Variants in OS9 observed in about 807,000 individuals in gnomAD.
The protein encoded by OS9 is protein OS-9.
OS9 carries 58 observed loss-of-function variants against 84.7 expected under a neutral mutation model. That is an observed-to-expected ratio of 0.68 (90% CI 0.55 to 0.85). OS9 has a LOEUF of 0.85. Ranked by LOEUF, OS9 falls within the 40% of genes least tolerant of loss-of-function variation. OS9 has a pLI of 0.00. For synonymous variants in OS9, 278 were observed against 320.8 expected (o/e 0.87, Z 1.43); for missense variants, 760 against 850.9 (o/e 0.89, Z 1.33).
At chr12:57,694,361 A>G in intron 1 of OS9, 38 bp downstream of exon 1, 2 of 1,608,772 alleles carry the variant, frequency 1.2e-6, no homozygotes, top group Non-Finnish European at 1.7e-6. Flanking sequence ...TGGGCAGAAG[A>G]GGAAGCGGGT....
At chr12:57,719,877 T>A in intron 12 of OS9, 1 of 483,120 alleles carries the variant, frequency 2.1e-6, no homozygotes, top group Admixed American at 3.7e-5. Context: ...GCAGAATTAT[T>A]GGGTAGGGCG....
intron 13 of OS9, 69 bp downstream of exon 13, chr12:57,720,332 G>A (rs1015594102): frequency 1.5e-5 from 24 of 1,606,572 alleles, no homozygotes; most frequent in Admixed American, 3.3e-5. Flanking sequence ...GAGGGGCTGG[G>A]ACCAGTGGGG....
Position 57,716,143 on chromosome 12 carries a change from C to G in OS9, c.842C>G (p.Pro281Arg). ...KIIEELQDLG[P>R]QVWSETKSGV... ...ATAGAGGAGCTGCAAGATCTAGGCC[C>G]CCAAGTGTGGAGTGAGACCAAGTCT... The change falls in exon 7 of 15, where the codon CCC (proline) becomes CGC (arginine). Residue 281 changes from proline to arginine, a missense_variant. By Grantham distance (103) the Pro-to-Arg change is moderately radical (BLOSUM62 -2). Transcript: ENST00000315970. 6.2e-7 allele frequency: 1 copy of G among 1,613,256 alleles called. No homozygotes were observed. Among genetic ancestry groups the G allele is most frequent in the Non-Finnish European group, 8.5e-7 (1 of 1,179,914 alleles).
At chr12:57,707,163 C>G (rs1954194651) in intron 5 of OS9, among the ~76,000 whole-genome samples, 4 of 151,842 alleles carry the variant, frequency 2.6e-5, no homozygotes, top group Admixed American at 2.6e-4. Context: ...TTTTCTTGAT[C>G]TATGTTGCCA....
Position 57,718,387 on chromosome 12 carries a change from G to C in OS9, c.1376G>C (p.Gly459Ala). The C allele has an allele frequency of 6.2e-7, 1 of 1,614,102 alleles. No homozygotes were observed. Among genetic ancestry groups the C allele is most frequent in the Non-Finnish European group, 8.5e-7 (1 of 1,180,000 alleles). Residue 459 changes from glycine to alanine, a missense_variant, in exon 11 of 15, where the codon GGC becomes GCC. Physicochemically the swap from Gly to Ala is moderately conservative, Grantham distance 60. Transcript: ENST00000315970. ...RDRLRSEVKAGMERELENIIQ... is the reference protein window; with the variant it reads ...RDRLRSEVKAAMERELENIIQ... ...CGGCTCCGTTCGGAGGTGAAGGCTG[G>C]CATGGAGCGGGAACTGGAAAACATC...
chr12:57,719,993 A>G, intron 12 of OS9, 106 bp from the exon 13 acceptor site: 1 of 1,020,218 alleles, frequency 9.8e-7, no homozygotes, highest in Non-Finnish European at 1.5e-6. Flanking sequence ...TTGAGATGGA[A>G]GAGCTGCCAA....
intron 5 of OS9, among the ~76,000 whole-genome samples, chr12:57,705,150 T>G (rs1954130522): frequency 2.0e-5 from 3 of 152,212 alleles, no homozygotes; most frequent in Admixed American, 2.0e-4. Flanking sequence ...TTACTATAGC[T>G]TTTTCATAAA....
At position 57,697,154 on chromosome 12, in the gene OS9, T is replaced by C. The variant is rs572933629; in HGVS notation, c.579+781T>C. On this transcript the variant is annotated intron_variant, in intron 5 of 14. Transcript: ENST00000315970. The stretch of plus-strand genomic sequence containing the variant: ...TAAGTGTTGGACCCCCAGATCTCTA[T>C]GGGTGTGGGAGGGAAGCCCTGATCT... Among the ~76,000 whole-genome samples the C allele has an allele frequency of 2.0e-5, 3 of 152,356 alleles. No individual in the cohort carries two copies. In the South Asian group the frequency reaches 6.2e-4, roughly 32 times the overall value.
chr12:57,720,554 C>T (rs925883039), intron 14 of OS9, 36 bp downstream of exon 14: 2 of 1,492,436 alleles, frequency 1.3e-6, no homozygotes, highest in East Asian at 2.3e-5. Context: ...TGGCCCCCAG[C>T]CCTCCTGGAG....
At position 57,694,190 on chromosome 12, in the gene OS9, T is replaced by C; in HGVS notation, c.29T>C (p.Leu10Ser). 1 of 1,614,112 alleles carries C rather than the reference T, an allele frequency of 6.2e-7. No homozygotes were observed. Among genetic ancestry groups the C allele is most frequent in the Non-Finnish European group, 8.5e-7 (1 of 1,180,010 alleles). The change falls in exon 1 of 15, where the codon TTG becomes TCG. Residue 10 changes from leucine to serine, a missense_variant. By Grantham distance (145) the Leu-to-Ser change is moderately radical. Coordinates refer to ENST00000315970, the MANE Select transcript of OS9 (RefSeq NM_006812.4). ...GCGGCGGAAACGCTGCTGTCCAGTTTGTTAGGACTGCTGCTTCTGGGACTC... is the reference window on the plus strand; with the variant it reads ...GCGGCGGAAACGCTGCTGTCCAGTTCGTTAGGACTGCTGCTTCTGGGACTC... MAAETLLSS[L>S]LGLLLLGLLL...
intron 5 of OS9, among the ~76,000 whole-genome samples, chr12:57,701,941 C>T (rs1326977985): frequency 2.0e-5 from 3 of 151,994 alleles, no homozygotes; most frequent in East Asian, 1.9e-4. Flanking sequence ...GGACTACAGG[C>T]GCCTGCCACC....
intron 11 of OS9, 108 bp downstream of exon 11, chr12:57,718,529 G>T: frequency 8.2e-7 from 1 of 1,217,928 alleles, no homozygotes; most frequent in Non-Finnish European, 1.1e-6. Flanking sequence ...GCAAGGACGG[G>T]GCACTTGGAA....
rs144041855 is a variant in OS9 at position 57,715,785 on chromosome 12, T to C, written c.605T>C (p.Ile202Thr). ...TTCCTCTGTGACGAGGGTGCAGGTA[T>C]CTCTGGGGACTACATCGATCGCGTG... is the stretch of plus-strand genomic sequence containing the variant. ...VRFLCDEGAG[I>T]SGDYIDRVDE... The change falls in exon 6 of 15, where the codon ATC (isoleucine) becomes ACC (threonine). Residue 202 changes from isoleucine (I) to threonine (T), a missense_variant. By Grantham distance (89) the Ile-to-Thr change is moderately conservative (BLOSUM62 -1). Coordinates refer to ENST00000315970, the MANE Select transcript of OS9 (RefSeq NM_006812.4). 4.8e-5 allele frequency: 78 copies of C among 1,612,080 alleles called. No individual in the cohort carries two copies. In the African/African-American group the frequency reaches 9.7e-4, roughly 20 times the overall value.
chr12:57,702,473 T>G (rs1407773979), intron 5 of OS9, among the ~76,000 whole-genome samples: 2 of 152,248 alleles, frequency 1.3e-5, no homozygotes, highest in Non-Finnish European at 2.9e-5. Context: ...TGTTTACCTA[T>G]TTATCAATGG....
Position 57,718,164 on chromosome 12 carries a change from C to T in OS9, c.1153C>T (p.Gln385Ter). 1.2e-6 allele frequency: 2 copies of T among 1,613,966 alleles called. No individual in the cohort carries two copies. Among genetic ancestry groups the T allele is most frequent in the South Asian group, 2.2e-5 (2 of 91,066 alleles). The change falls in exon 11 of 15, where the codon CAA becomes TAA. Residue 385 changes from glutamine (Q) to a stop codon, truncating the protein, a stop_gained. Transcript: ENST00000315970. LOFTEE classifies it high-confidence loss of function. ...GTKKGKPNIG[Q>*]EQPVDDAAEV... ...CACCCAGGGGAAGCCAAATATAGGC[C>T]AAGAGCAGCCTGTGGATGATGCTGC...
At chr12:57,700,067 C>A (rs1394274077) in intron 5 of OS9, among the ~76,000 whole-genome samples, 1 of 151,554 alleles carries the variant, frequency 6.6e-6, no homozygotes, top group African/African-American at 2.4e-5. Context: ...TGCACTCCAG[C>A]CTGGGTGACA....
intron 7 of OS9, 93 bp downstream of exon 7, chr12:57,716,286 G>GC (rs1182833144): frequency 6.6e-6 from 5 of 752,290 alleles, no homozygotes; most frequent in African/African-American, 1.8e-5. Context: ...GGGTGGGGGG[G>GC]GGTGGAAAAG....
Position 57,717,875 on chromosome 12 carries a change from CA to C in OS9, c.1052del (p.Gln351ArgfsTer15). 1 of 1,541,450 alleles carries C rather than the reference CA, an allele frequency of 6.5e-7. No homozygotes were observed. The highest frequency in any genetic ancestry group is 8.8e-7 in the Non-Finnish European group (1 of 1,138,742). On this transcript the variant is annotated frameshift_variant, in exon 10 of 15. Transcript: ENST00000315970. LOFTEE classifies it high-confidence loss of function. ...DSASGAPNDF[Q>X]NNVQVKVIRS... The stretch of plus-strand genomic sequence containing the variant: ...TTATTATTCTTTCATCTCAGATTTT[CA>C]GAACAACGTGCAGGTCAAAGTCATT...
intron 5 of OS9, among the ~76,000 whole-genome samples, chr12:57,702,497 T>A (rs1463231877): frequency 6.6e-6 from 1 of 152,244 alleles, no homozygotes; most frequent in East Asian, 1.9e-4. Context: ...GACAAATAGG[T>A]TTTCATCTTT....
Sources: allele counts gnomAD v4.1 joint callset (sites outside exome capture counted in the v4.1 genomes callset), GRCh38; gene constraint gnomAD v4.1.1; transcripts MANE v1.5; gene names NCBI Gene and HGNC (gene_info 2026-07-23, HGNC 2026-07-21).